MACROD2: variants seen among roughly 807,000 people sequenced by gnomAD.
The protein encoded by MACROD2 is mono-ADP ribosylhydrolase 2, also known as ADP-ribose glycohydrolase MACROD2.
Under a neutral mutation model 70.4 loss-of-function variants are expected in MACROD2, and 36 were observed. The ratio of observed to expected loss-of-function variants is 0.51; its 90% CI spans 0.39 to 0.68. The LOEUF (loss-of-function observed/expected upper bound fraction) is 0.68, where lower values mean the gene tolerates loss of function less well. Among genes scored for constraint, MACROD2 ranks in the 30% least tolerant of loss-of-function variants. The pLI is 0.00. For synonymous variants in MACROD2, 172 were observed against 178.8 expected, an observed-to-expected ratio of 0.96 and a Z score of 0.30; for missense variants, 496 against 538.4, an observed-to-expected ratio of 0.92 and a Z score of 0.78.
intron 3 of MACROD2, among the ~76,000 whole-genome samples, chr20:14,139,060 A>G (rs1213878282): frequency 6.6e-6 from 1 of 152,230 alleles, no homozygotes; most frequent in Non-Finnish European, 1.5e-5. Flanking sequence ...GGAAGAAAAT[A>G]CCTTTTCCAT....
At chr20:15,207,631 C>T (rs879620873) in intron 5 of MACROD2, among the ~76,000 whole-genome samples, 6 of 151,554 alleles carry the variant, frequency 4.0e-5, no homozygotes, top group South Asian at 2.1e-4. Flanking sequence ...TCAGTAGAGA[C>T]GGGGTTTCAC....
At chr20:14,748,995 C>A (rs1457597332) in intron 5 of MACROD2, among the ~76,000 whole-genome samples, 2 of 152,020 alleles carry the variant, frequency 1.3e-5, no homozygotes, top group African/African-American at 2.4e-5. Context: ...ATAGTTTATG[C>A]CCTTCACAAA....
At chr20:15,313,873 T>G (rs1385874272) in intron 6 of MACROD2, among the ~76,000 whole-genome samples, 1 of 152,226 alleles carries the variant, frequency 6.6e-6, no homozygotes, top group Non-Finnish European at 1.5e-5. Flanking sequence ...TTTTCAAAAA[T>G]ATTTTTTATT....
At chr20:14,777,993 C>T (rs577022856) in intron 5 of MACROD2, among the ~76,000 whole-genome samples, 10 of 152,188 alleles carry the variant, frequency 6.6e-5, no homozygotes, top group Middle Eastern at 3.4e-3. Context: ...GGTTGAGCAT[C>T]GACTGAGCTT....
intron 12 of MACROD2, among the ~76,000 whole-genome samples, chr20:15,966,180 T>G (rs2066137606): frequency 6.6e-6 from 1 of 152,192 alleles, no homozygotes. Flanking sequence ...GAATAGTTTA[T>G]TTTAGACTCC....
intron 5 of MACROD2, among the ~76,000 whole-genome samples, chr20:15,209,115 G>GATTTATT (rs1555792786): frequency 2.0e-5 from 3 of 147,068 alleles, no homozygotes; most frequent in Non-Finnish European, 4.5e-5. Flanking sequence ...GGTGGTGGTG[G>GATTTATT]TATTTATTTA....
intron 8 of MACROD2, among the ~76,000 whole-genome samples, chr20:15,753,649 A>C (rs748872100): frequency 2.6e-5 from 4 of 152,216 alleles, no homozygotes; most frequent in Non-Finnish European, 5.9e-5. Flanking sequence ...GGATTGCTGG[A>C]TTAAATGGTA....
chr20:14,112,430 T>A (rs1379341119), intron 3 of MACROD2, among the ~76,000 whole-genome samples: 1 of 152,004 alleles, frequency 6.6e-6, no homozygotes, highest in Non-Finnish European at 1.5e-5. Context: ...TTCCATGATG[T>A]GATTATTACA....
intron 5 of MACROD2, among the ~76,000 whole-genome samples, chr20:14,739,390 A>G (rs1467104718): frequency 6.6e-6 from 1 of 151,940 alleles, no homozygotes; most frequent in Non-Finnish European, 1.5e-5. Flanking sequence ...ATCTTCACCT[A>G]TATACTGAAA....
chr20:15,076,702 G>A lies in MACROD2; in HGVS notation c.419-153238G>A, dbSNP rs1325857545. 2.6e-5 allele frequency among the ~76,000 whole-genome samples: 4 copies of A among 152,190 alleles called. No homozygotes were observed. In the East Asian group the frequency reaches 7.7e-4, roughly 29 times the overall value. On this transcript the variant is annotated intron_variant, in intron 5 of 17. Transcript: ENST00000684519. ...TCTTTGGCATTCTTACATTTAAAAA[G>A]TAGAGATGGGGACATGTCTCTGTTA...
chr20:14,085,656 A>C lies in MACROD2; in HGVS notation c.199A>C (p.Ser67Arg). ...NTQETSQVKK[S>R]LTEKVSLYRG... The stretch of plus-strand genomic sequence containing the variant: ...TCAGGAAACATCCCAGGTGAAGAAA[A>C]GTTTGACTGAAAAAGTTTCTCTCTA... Residue 67 changes from serine (S) to arginine (R), a missense_variant, in exon 3 of 18, where the codon AGT becomes CGT. Ser to Arg is a moderately radical substitution (Grantham distance 110). Coordinates refer to ENST00000684519, the MANE Select transcript of MACROD2 (RefSeq NM_001351661.2). 6.3e-7 allele frequency: 1 copy of C among 1,583,044 alleles called. No homozygotes were observed. The highest frequency in any genetic ancestry group is 8.6e-7 in the Non-Finnish European group (1 of 1,164,126).
At chr20:15,139,757 A>G (rs2076177696) in intron 5 of MACROD2, among the ~76,000 whole-genome samples, 1 of 152,188 alleles carries the variant, frequency 6.6e-6, no homozygotes, top group South Asian at 2.1e-4. Flanking sequence ...CAGATGTGTC[A>G]ATACACCTTG....
chr20:15,176,180 G>A (rs911313565), intron 5 of MACROD2, among the ~76,000 whole-genome samples: 1 of 152,218 alleles, frequency 6.6e-6, no homozygotes, highest in African/African-American at 2.4e-5. Context: ...GGAAGCAAAG[G>A]AGGGGCTGAG....
chr20:15,152,052 G>A (rs2076273932), intron 5 of MACROD2, among the ~76,000 whole-genome samples: 1 of 151,928 alleles, frequency 6.6e-6, no homozygotes, highest in South Asian at 2.1e-4. Flanking sequence ...GGGAGGGACC[G>A]ATGTGTAAAA....
At chr20:14,351,215 G>T (rs189805056) in intron 3 of MACROD2, among the ~76,000 whole-genome samples, 114 of 152,112 alleles carry the variant, frequency 7.5e-4, no homozygotes, top group African/African-American at 2.6e-3. Context: ...TTTGTTCAGG[G>T]TGGCTTTGGC....
chr20:15,406,394 T>G (rs1160650243), intron 6 of MACROD2, among the ~76,000 whole-genome samples: 1 of 152,346 alleles, frequency 6.6e-6, no homozygotes, highest in Middle Eastern at 3.4e-3. Context: ...GCTAAGCATG[T>G]TACCAGATGA....
intron 5 of MACROD2, among the ~76,000 whole-genome samples, chr20:14,898,949 A>T (rs1005528644): frequency 6.6e-6 from 1 of 152,170 alleles, no homozygotes; most frequent in Non-Finnish European, 1.5e-5. Flanking sequence ...ATTCTTCATT[A>T]AATCATGCCT....
intron 6 of MACROD2, among the ~76,000 whole-genome samples, chr20:15,427,649 G>C (rs1285754747): frequency 2.0e-5 from 3 of 152,184 alleles, no homozygotes; most frequent in East Asian, 3.9e-4. Flanking sequence ...AAGCTGGAAG[G>C]ACCCTTCAGT....
chr20:14,655,319 C>CTGTGTGTGTG (rs11470954), intron 4 of MACROD2, among the ~76,000 whole-genome samples: 4,261 of 141,618 alleles, frequency 0.03, 153 homozygotes, highest in African/African-American at 0.09. Flanking sequence ...AAAGTGGACA[C>CTGTGTGTGTG]TGTGTGTGTG....
Sources: gnomAD v4.1 joint callset for allele counts (sites outside exome capture counted in the v4.1 genomes callset) on GRCh38, gnomAD v4.1.1 for gene constraint, MANE v1.5 for transcripts, NCBI Gene and HGNC (gene_info 2026-07-23, HGNC 2026-07-21) for gene names.